PALLD: variants seen among roughly 807,000 people sequenced by gnomAD.
PALLD encodes palladin, cytoskeletal associated protein.
A neutral mutation model predicts 123.5 loss-of-function variants in PALLD; 61 were observed. The ratio of observed to expected loss-of-function variants is 0.49; its 90% CI spans 0.40 to 0.61. The LOEUF is 0.61. PALLD is among the 20% of genes least tolerant of loss of function. The probability of loss-of-function intolerance (pLI) is 0.00; values close to 1 mark genes in which losing one functional copy is unlikely to be tolerated. For missense variants in PALLD, 1,273 were observed against 1,377.0 expected (o/e 0.92, Z 1.20); for synonymous variants, 465 against 496.4 (o/e 0.94, Z 0.84).
chr4:168,725,522 CTTTTTT>C (rs1210834634), intron 10 of PALLD, among the ~76,000 whole-genome samples: 16 of 91,650 alleles, frequency 1.7e-4, no homozygotes, highest in South Asian at 1.3e-3. Context: ...TCTTTAATTT[CTTTTTT>C]TTTTTTTTTT....
intron 2 of PALLD, among the ~76,000 whole-genome samples, chr4:168,663,242 C>T (rs1401201835): frequency 6.6e-6 from 1 of 152,104 alleles, no homozygotes; most frequent in African/African-American, 2.4e-5. Flanking sequence ...TTCATAGTTC[C>T]CAAGAGGAGG....
At chr4:168,537,967 C>G (rs11933360) in intron 2 of PALLD, among the ~76,000 whole-genome samples, 10,355 of 152,236 alleles carry the variant, frequency 0.068, 606 homozygotes, top group African/African-American at 0.16. Flanking sequence ...AATTCTATCC[C>G]CCTTCAGGTG....
intron 10 of PALLD, among the ~76,000 whole-genome samples, chr4:168,808,538 G>C (rs1447139214): frequency 6.6e-6 from 1 of 152,158 alleles, no homozygotes; most frequent in Non-Finnish European, 1.5e-5. Flanking sequence ...AGATACATAA[G>C]AGGAAGCACA....
At chr4:168,720,580 G>A (rs1785905272) in intron 10 of PALLD, among the ~76,000 whole-genome samples, 1 of 152,138 alleles carries the variant, frequency 6.6e-6, no homozygotes, top group African/African-American at 2.4e-5. Context: ...GTAGTCACGG[G>A]TCCTAATTCT....
chr4:168,809,423 A>G (rs1416140372), intron 10 of PALLD, among the ~76,000 whole-genome samples: 1 of 152,142 alleles, frequency 6.6e-6, no homozygotes, highest in Non-Finnish European at 1.5e-5. Flanking sequence ...GGAACTCAGA[A>G]GAGAGGTTAA....
At chr4:168,659,562 C>T (rs1238884044) in intron 2 of PALLD, among the ~76,000 whole-genome samples, 1 of 152,124 alleles carries the variant, frequency 6.6e-6, no homozygotes, top group Admixed American at 6.5e-5. Flanking sequence ...ACCTTGTTTC[C>T]CCTTGAGCAT....
intron 8 of PALLD, among the ~76,000 whole-genome samples, chr4:168,698,091 A>T (rs1400932876): frequency 6.6e-6 from 1 of 152,194 alleles, no homozygotes; most frequent in Non-Finnish European, 1.5e-5. Context: ...ACTGGAGCTC[A>T]TTATGTTAAG....
intron 2 of PALLD, among the ~76,000 whole-genome samples, chr4:168,541,071 A>G (rs1765564369): frequency 6.6e-6 from 1 of 152,218 alleles, no homozygotes; most frequent in African/African-American, 2.4e-5. Context: ...CTTCAGTTCT[A>G]TGAAATTTAT....
At chr4:168,528,469 C>G (rs1764283340) in intron 2 of PALLD, among the ~76,000 whole-genome samples, 1 of 152,224 alleles carries the variant, frequency 6.6e-6, no homozygotes, top group South Asian at 2.1e-4. Flanking sequence ...AATTAAATGA[C>G]TAACACTAAA....
At chr4:168,612,292 A>T (rs1323631305) in intron 2 of PALLD, among the ~76,000 whole-genome samples, 1 of 152,060 alleles carries the variant, frequency 6.6e-6, no homozygotes, top group Middle Eastern at 3.2e-3. Flanking sequence ...ATAATTTCCA[A>T]AATCATCTCT....
chr4:168,894,300 A>G (rs1404546504), intron 11 of PALLD: 1 of 457,168 alleles, frequency 2.2e-6, no homozygotes, highest in Non-Finnish European at 4.0e-6. Flanking sequence ...GGACATGACA[A>G]ATCTTTTCTG....
chr4:168,902,801 G>A (rs1302935444), intron 14 of PALLD, among the ~76,000 whole-genome samples: 1 of 151,962 alleles, frequency 6.6e-6, no homozygotes. Context: ...TTTGAGACAG[G>A]GCCTCAGTCA....
intron 10 of PALLD, among the ~76,000 whole-genome samples, chr4:168,790,853 AG>A (rs1737413388): frequency 6.6e-6 from 1 of 152,150 alleles, no homozygotes; most frequent in Non-Finnish European, 1.5e-5. Context: ...TGTGATTTTG[AG>A]ATTGATTTAA....
intron 2 of PALLD, among the ~76,000 whole-genome samples, chr4:168,639,705 A>G (rs559048625): frequency 6.4e-4 from 96 of 148,902 alleles, no homozygotes; most frequent in Admixed American, 1.6e-3. Context: ...TACCACGCCC[A>G]GCTAATTTTT....
intron 6 of PALLD, among the ~76,000 whole-genome samples, chr4:168,688,663 A>G (rs1782317287): frequency 6.6e-6 from 1 of 152,242 alleles, no homozygotes; most frequent in Non-Finnish European, 1.5e-5. Flanking sequence ...TTTTGCCAAG[A>G]TAAAAATGTT....
intron 10 of PALLD, among the ~76,000 whole-genome samples, chr4:168,761,800 C>T (rs974347544): frequency 2.0e-5 from 3 of 151,662 alleles, no homozygotes; most frequent in Admixed American, 6.6e-5. Context: ...CGTGAGCCAC[C>T]GTGCCCGGCA....
At chr4:168,607,631 C>T (rs1326571051) in intron 2 of PALLD, among the ~76,000 whole-genome samples, 1 of 152,036 alleles carries the variant, frequency 6.6e-6, no homozygotes, top group African/African-American at 2.4e-5. Flanking sequence ...CTCCATTTAA[C>T]AATTGAGGAA....
At chr4:168,750,337 T>C (rs1319408052) in intron 10 of PALLD, among the ~76,000 whole-genome samples, 2 of 152,232 alleles carry the variant, frequency 1.3e-5, no homozygotes, top group African/African-American at 2.4e-5. Flanking sequence ...CACATCCATG[T>C]TGCTGCAAAG....
At chr4:168,564,248 T>G (rs1768143880) in intron 2 of PALLD, among the ~76,000 whole-genome samples, 1 of 152,220 alleles carries the variant, frequency 6.6e-6, no homozygotes, top group African/African-American at 2.4e-5. Flanking sequence ...CCAGTGCTTC[T>G]TAGAGGCGAG....
Sources: allele counts gnomAD v4.1 joint callset (sites outside exome capture counted in the v4.1 genomes callset), GRCh38; gene constraint gnomAD v4.1.1; transcripts MANE v1.5; gene names NCBI Gene and HGNC (gene_info 2026-07-23, HGNC 2026-07-21).